The following NXPE2 variants were observed in gnomAD, a reference collection of about 807,000 sequenced individuals.
NXPE2 encodes the protein neurexophilin and PC-esterase domain family member 2.
NXPE2 carries 34 observed loss-of-function variants against 34.4 expected under a neutral mutation model. The observed-to-expected ratio is 0.99, with a 90% confidence interval of 0.75 to 1.31. NXPE2 has a LOEUF of 1.31. Ranked by LOEUF, NXPE2 falls within the 40% of genes most tolerant of loss-of-function variation. NXPE2 has a pLI of 0.00. For synonymous variants in NXPE2, 235 were observed against 231.3 expected, an observed-to-expected ratio of 1.02 and a Z score of -0.15; for missense variants, 649 against 672.5, an observed-to-expected ratio of 0.97 and a Z score of 0.39.
At chr11:114,791,562 A>G in the NXPE2 span, among the ~76,000 whole-genome samples, 1 of 152,228 alleles carries the variant, frequency 6.6e-6, no homozygotes. Flanking sequence ...GTGGAGAAAC[A>G]AAAGCAGAGA....
chr11:114,627,166 G>A, the NXPE2 span, among the ~76,000 whole-genome samples: 1 of 151,816 alleles, frequency 6.6e-6, no homozygotes, highest in African/African-American at 2.4e-5. Context: ...GAAATACAGA[G>A]AACGCCACAA....
chr11:114,545,996 T>C, the NXPE2 span, among the ~76,000 whole-genome samples: 2 of 152,048 alleles, frequency 1.3e-5, no homozygotes, highest in Non-Finnish European at 2.9e-5. Context: ...GCTGAGTGAA[T>C]CTTAATGTAT....
chr11:114,642,767 G>C, the NXPE2 span, among the ~76,000 whole-genome samples: 3 of 151,906 alleles, frequency 2.0e-5, no homozygotes, highest in Admixed American at 2.0e-4. Flanking sequence ...ATATTCCTTT[G>C]GGTATATACC....
chr11:114,550,472 A>C, the NXPE2 span, among the ~76,000 whole-genome samples: 1 of 152,196 alleles, frequency 6.6e-6, no homozygotes, highest in African/African-American at 2.4e-5. Flanking sequence ...ATCAGTGAGG[A>C]TATAGAATGG....
the NXPE2 span, among the ~76,000 whole-genome samples, chr11:114,617,382 G>A: frequency 4.7e-5 from 7 of 150,236 alleles, no homozygotes; most frequent in Non-Finnish European, 1.0e-4. Context: ...ACTGTTACCC[G>A]GTAGATAATA....
chr11:114,625,312 TAA>T, the NXPE2 span, among the ~76,000 whole-genome samples: 1 of 152,144 alleles, frequency 6.6e-6, no homozygotes, highest in Non-Finnish European at 1.5e-5. Context: ...CAGTGGATAA[TAA>T]GTGTTGCACT....
the NXPE2 span, among the ~76,000 whole-genome samples, chr11:114,718,595 G>A: frequency 1.3e-5 from 2 of 152,140 alleles, no homozygotes; most frequent in African/African-American, 4.8e-5. Context: ...AGGGGCAAAG[G>A]CTACAATAAT....
At chr11:114,632,115 ATATAT>A in the NXPE2 span, among the ~76,000 whole-genome samples, 3 of 144,524 alleles carry the variant, frequency 2.1e-5, no homozygotes, top group African/African-American at 7.5e-5. Flanking sequence ...TATATAAATT[ATATAT>A]TATAATAAAA....
chr11:114,582,556 C>G, the NXPE2 span: 1 of 1,614,194 alleles, frequency 6.2e-7, no homozygotes, highest in Non-Finnish European at 8.5e-7. Context: ...AGAGCTGACA[C>G]CCCTTCACTG....
At chr11:114,807,135 A>T in the NXPE2 span, among the ~76,000 whole-genome samples, 1 of 150,466 alleles carries the variant, frequency 6.6e-6, no homozygotes, top group East Asian at 2.0e-4. Context: ...ACAGACAAGC[A>T]AATGCTGAGA....
chr11:114,470,321 G>A, the NXPE2 span, among the ~76,000 whole-genome samples: 5 of 152,144 alleles, frequency 3.3e-5, no homozygotes, highest in African/African-American at 4.8e-5. Context: ...AACTATGTGA[G>A]AGAATTCCAG....
the NXPE2 span, among the ~76,000 whole-genome samples, chr11:114,712,658 A>G: frequency 1.3e-5 from 2 of 152,212 alleles, no homozygotes; most frequent in Non-Finnish European, 2.9e-5. Context: ...ACCTTTGTGC[A>G]CTGTGAGTGG....
chr11:114,498,806 A>G, the NXPE2 span, among the ~76,000 whole-genome samples: 1 of 152,052 alleles, frequency 6.6e-6, no homozygotes, highest in Admixed American at 6.5e-5. Context: ...GTGGATTAGC[A>G]TGTTATTTAT....
intron 4 of NXPE2, among the ~76,000 whole-genome samples, chr11:114,705,010 G>T (rs1951445004): frequency 6.6e-6 from 1 of 152,164 alleles, no homozygotes; most frequent in African/African-American, 2.4e-5. Context: ...ACGAACAAAT[G>T]TAAGTTCCTC....
At chr11:114,650,692 A>G in the NXPE2 span, among the ~76,000 whole-genome samples, 1 of 152,158 alleles carries the variant, frequency 6.6e-6, no homozygotes, top group Admixed American at 6.5e-5. Context: ...ATCTGCTACC[A>G]TCATAAGTAG....
the NXPE2 span, among the ~76,000 whole-genome samples, chr11:114,659,440 A>G: frequency 6.6e-6 from 1 of 151,990 alleles, no homozygotes; most frequent in African/African-American, 2.4e-5. Flanking sequence ...AAACAAAAAA[A>G]AGAGAAAAAA....
chr11:114,540,860 T>TGGC, the NXPE2 span, among the ~76,000 whole-genome samples: 4 of 66,248 alleles, frequency 6.0e-5, no homozygotes, highest in African/African-American at 2.7e-4. Flanking sequence ...TTTTTTTTTT[T>TGGC]TTTTTTTTTT....
At chr11:114,632,756 A>G in the NXPE2 span, among the ~76,000 whole-genome samples, 4 of 57,750 alleles carry the variant, frequency 6.9e-5, no homozygotes, top group Non-Finnish European at 8.9e-5. Flanking sequence ...ATTATAATAT[A>G]TCATATATTA....
the NXPE2 span, among the ~76,000 whole-genome samples, chr11:114,611,525 A>C: frequency 6.6e-6 from 1 of 151,910 alleles, no homozygotes; most frequent in Admixed American, 6.6e-5. Flanking sequence ...AACCACTGTT[A>C]CCCGGTTTAT....
Sources: allele counts gnomAD v4.1 joint callset (sites outside exome capture counted in the v4.1 genomes callset), GRCh38; gene constraint gnomAD v4.1.1; transcripts MANE v1.5; gene names NCBI Gene and HGNC (gene_info 2026-07-23, HGNC 2026-07-21).